IQCB1: variants seen among roughly 807,000 people sequenced by gnomAD.
IQCB1 encodes IQ calmodulin-binding motif-containing protein 1.
In IQCB1, 56 loss-of-function variants were observed where a neutral mutation model predicts 84.4. The ratio of observed to expected loss-of-function variants is 0.66; its 90% CI spans 0.54 to 0.83. IQCB1 has a LOEUF of 0.83. Ranked by LOEUF, IQCB1 falls within the 40% of genes least tolerant of loss-of-function variation. The pLI is 0.00. For synonymous variants in IQCB1, 210 were observed against 234.8 expected (o/e 0.89, Z 0.96); for missense variants, 629 against 682.1 (o/e 0.92, Z 0.87).
At chr3:121,772,769 C>T in intron 13 of IQCB1, 56 bp from the exon 14 acceptor site, 2 of 1,549,482 alleles carry the variant, frequency 1.3e-6, no homozygotes, top group Non-Finnish European at 1.8e-6. Context: ...ATCAAAGTAC[C>T]CAACCACTTA....
chr3:121,801,810 C>CTTTTTTT lies in IQCB1; in HGVS notation c.588-2443_588-2437dup, dbSNP rs5852277. On this transcript the variant is annotated intron_variant, in intron 7 of 14. Transcript: ENST00000310864. ...TTGTATTACTACTTTGCTGCAAGGC[C>CTTTTTTT]TTTTTTTTTTTTTTTTTTTTTAATT... 7.7e-4 allele frequency among the ~76,000 whole-genome samples: 69 copies of CTTTTTTT among 89,846 alleles called. 1 individual carries two copies. The highest frequency in any genetic ancestry group is 9.0e-4 in the African/African-American group (19 of 21,020). The allele number at this position is 89,846 out of a possible 152,430, so 58.9% of individuals were successfully genotyped here. A position where few individuals can be genotyped will look rare whatever the true frequency, so the allele number is the denominator to read the frequency against.
At chr3:121,814,272 G>A (rs1949961635) in intron 5 of IQCB1, among the ~76,000 whole-genome samples, 1 of 152,204 alleles carries the variant, frequency 6.6e-6, no homozygotes, top group Non-Finnish European at 1.5e-5. Context: ...AGAACAGTGT[G>A]TAGAGGGAAA....
At chr3:121,795,957 T>G (rs908859420) in intron 9 of IQCB1, among the ~76,000 whole-genome samples, 5 of 152,134 alleles carry the variant, frequency 3.3e-5, no homozygotes, top group African/African-American at 1.2e-4. Flanking sequence ...AATCTCTGTT[T>G]AGTTCTGTAA....
At position 121,781,632 on chromosome 3, in the gene IQCB1, TACACACACACACACACAC is replaced by T. The variant is rs57816005; in HGVS notation, c.1410+93_1410+110del. On this transcript the variant is annotated intron_variant, in intron 13 of 14. Coordinates refer to ENST00000310864, the MANE Select transcript of IQCB1 (RefSeq NM_001023570.4). ...CATTACCTTATACCAGCAATAAATG[TACACACACACACACACAC>T]ACACACACACACAATATATGTGTGT... The T allele has an allele frequency of 2.6e-3, 2,145 of 820,786 alleles. 6 individuals are homozygous for T. The highest frequency in any genetic ancestry group is 3.8e-3 in the Non-Finnish European group (1,862 of 489,868). 50.8% of individuals were successfully genotyped at this position (820,786 alleles called of 1,614,324 possible).
chr3:121,828,874 C>T lies in IQCB1; in HGVS notation c.87G>A (p.Leu29=). The stretch of plus-strand genomic sequence containing the variant: ...AGATTTTCTTACCTTTTAACTTCAA[C>T]AGTATAACAGGGACATTCTGCTCAG... ...KSPEQNVPVI[L]LKLKEIINIT... is the part of the protein sequence containing the mutation. Residue 29 remains leucine (L), a synonymous_variant, in exon 3 of 15, where the codon CTG becomes CTA. Coordinates refer to ENST00000310864, the MANE Select transcript of IQCB1 (RefSeq NM_001023570.4). The T allele has an allele frequency of 6.3e-7, 1 of 1,590,678 alleles. No individual in the cohort carries two copies. The highest frequency in any genetic ancestry group is 8.6e-7 in the Non-Finnish European group (1 of 1,160,042).
At chr3:121,832,771 T>C (rs1950693617) in intron 2 of IQCB1, among the ~76,000 whole-genome samples, 1 of 152,222 alleles carries the variant, frequency 6.6e-6, no homozygotes, top group Admixed American at 6.5e-5. Context: ...TTGTTTTCCT[T>C]ACATATCTTC....
intron 7 of IQCB1, among the ~76,000 whole-genome samples, chr3:121,801,810 C>CTTTT (rs5852277): frequency 0.11 from 10,245 of 89,634 alleles, 771 homozygotes; most frequent in African/African-American, 0.18. Flanking sequence ...GCTGCAAGGC[C>CTTTT]TTTTTTTTTT....
At position 121,832,327 on chromosome 3, in the gene IQCB1, A is replaced by ATTTTT. The variant is rs66929099; in HGVS notation, c.-13+2059_-13+2063dup. Among the ~76,000 whole-genome samples the ATTTTT allele has an allele frequency of 1.5e-3, 200 of 135,628 alleles. 3 individuals carry two copies. The highest frequency in any genetic ancestry group is 1.9e-3 in the Non-Finnish European group (123 of 63,946). 89.0% of individuals were successfully genotyped at this position (135,628 alleles called of 152,430 possible). A position where few individuals can be genotyped will look rare whatever the true frequency, so the allele number is the denominator to read the frequency against. ...ATGGGGTCTTTACCATAATTTTACA[A>ATTTTT]TTTTTTTTTTTTTTTTTGAGAGAGA... is the stretch of plus-strand genomic sequence containing the variant. On this transcript the variant is annotated intron_variant, in intron 2 of 14. Transcript: ENST00000310864.
chr3:121,823,040 G>C (rs1484624782), intron 5 of IQCB1, among the ~76,000 whole-genome samples: 2 of 151,998 alleles, frequency 1.3e-5, no homozygotes, highest in Non-Finnish European at 2.9e-5. Flanking sequence ...AATAAATATG[G>C]TAAACAATCA....
intron 5 of IQCB1, among the ~76,000 whole-genome samples, chr3:121,812,014 A>G (rs1259750762): frequency 6.6e-6 from 1 of 152,158 alleles, no homozygotes; most frequent in Non-Finnish European, 1.5e-5. Context: ...AGACACCTCC[A>G]AACAGGAGAG....
intron 5 of IQCB1, among the ~76,000 whole-genome samples, chr3:121,812,999 A>G (rs909900539): frequency 2.0e-5 from 3 of 152,172 alleles, no homozygotes; most frequent in Non-Finnish European, 2.9e-5. Context: ...AAGGAAAAAA[A>G]TCTTAGGGGC....
At chr3:121,805,538 G>A (rs1949572296) in intron 7 of IQCB1, among the ~76,000 whole-genome samples, 1 of 152,078 alleles carries the variant, frequency 6.6e-6, no homozygotes, top group African/African-American at 2.4e-5. Context: ...AAGTTACTTG[G>A]AAACAGTTTG....
In IQCB1 at chr3:121,790,207, C is replaced by A. The variant is rs1174161542; in HGVS notation, c.995G>T (p.Arg332Leu). The part of the protein sequence containing the change: ...IALQRSFRSK[R>L]SKMLLEINRQ... ...ATTTATCTCCAGCAACATCTTTGAT[C>A]GTTTGGATCTGTGATGGAAACAGTG... Residue 332 changes from arginine (R) to leucine (L), a missense_variant, in exon 11 of 15, where the codon CGA becomes CTA. Physicochemically the swap from Arg to Leu is moderately radical, Grantham distance 102 (BLOSUM62 -2). Transcript: ENST00000310864. The A allele has an allele frequency of 6.2e-7, 1 of 1,613,438 alleles. No individual in the cohort carries two copies. The highest frequency in any genetic ancestry group is 2.2e-5 in the East Asian group (1 of 44,838).
intron 4 of IQCB1, among the ~76,000 whole-genome samples, chr3:121,826,775 G>C (rs1950479031): frequency 6.6e-6 from 1 of 152,054 alleles, no homozygotes; most frequent in Non-Finnish European, 1.5e-5. Flanking sequence ...TAGAGAAAAA[G>C]GTCCTCTTAA....
Position 121,781,833 on chromosome 3 carries a change from T to C in IQCB1, c.1320A>G (p.Leu440=). ...CTTGGAGTCCTCGCCAAGGAGCAAATAGTTTCTTTTTCTTACGGCACTTCG... is the reference window on the plus strand; with the variant it reads ...CTTGGAGTCCTCGCCAAGGAGCAAACAGTTTCTTTTTCTTACGGCACTTCG... ...FLAKCRKKKK[L]FAPWRGLQEL... Residue 440 remains leucine (L), a synonymous_variant, in exon 13 of 15, where the codon CTA becomes CTG. Coordinates refer to ENST00000310864, the MANE Select transcript of IQCB1 (RefSeq NM_001023570.4). 1.2e-6 allele frequency: 2 copies of C among 1,613,912 alleles called. No homozygotes were observed. The highest frequency in any genetic ancestry group is 1.7e-6 in the Non-Finnish European group (2 of 1,179,848).
In IQCB1 at chr3:121,770,263, C is replaced by T; in HGVS notation, c.*82G>A. ...TCTGGAAAATAATAAGTTAGGATGG[C>T]CCTAGTCTACCAGCATGCCAGAGGC... On this transcript the variant is annotated 3_prime_UTR_variant, in exon 15 of 15. Coordinates refer to ENST00000310864, the MANE Select transcript of IQCB1 (RefSeq NM_001023570.4). 2 of 903,440 alleles carry T rather than the reference C, an allele frequency of 2.2e-6. No homozygotes were observed. Among genetic ancestry groups the T allele is most frequent in the Admixed American group, 1.9e-5 (1 of 53,020 alleles). 56.0% of individuals were successfully genotyped at this position (903,440 alleles called of 1,614,324 possible).
At chr3:121,784,997 G>A (rs753399007) in intron 12 of IQCB1, among the ~76,000 whole-genome samples, 14 of 152,224 alleles carry the variant, frequency 9.2e-5, no homozygotes, top group Non-Finnish European at 2.1e-4. Flanking sequence ...TGGTACTTGA[G>A]TTTTCAACTG....
chr3:121,810,822 C>T (rs994186318), intron 5 of IQCB1, among the ~76,000 whole-genome samples: 2 of 152,092 alleles, frequency 1.3e-5, no homozygotes, highest in African/African-American at 4.8e-5. Context: ...CAACACAATT[C>T]CTATAGTTTA....
At chr3:121,804,983 C>T (rs1949552687) in intron 7 of IQCB1, among the ~76,000 whole-genome samples, 1 of 152,128 alleles carries the variant, frequency 6.6e-6, no homozygotes, top group Non-Finnish European at 1.5e-5. Context: ...TGCTGTTAAT[C>T]CCATCCAGTG....
Sources: gnomAD v4.1 joint callset for allele counts (sites outside exome capture counted in the v4.1 genomes callset) on GRCh38, gnomAD v4.1.1 for gene constraint, MANE v1.5 for transcripts, NCBI Gene and HGNC (gene_info 2026-07-23, HGNC 2026-07-21) for gene names.